The following LPIN2 variants were observed in gnomAD, a reference collection of about 807,000 sequenced individuals.
LPIN2 encodes the protein lipin 2.
LPIN2 carries 55 observed loss-of-function variants against 111.4 expected under a neutral mutation model. That is an observed-to-expected ratio of 0.49 (90% CI 0.40 to 0.62). LPIN2 has a LOEUF of 0.62. Among genes scored for constraint, LPIN2 ranks in the 20% least tolerant of loss-of-function variants. The pLI is 0.00. For missense variants in LPIN2, 992 were observed against 1,112.1 expected (o/e 0.89, Z 1.54); for synonymous variants, 425 against 414.0 (o/e 1.03, Z -0.32).
chr18:2,950,888 T>G (rs1448523655), intron 4 of LPIN2, among the ~76,000 whole-genome samples, 167 bp downstream of exon 4: 3 of 152,196 alleles, frequency 2.0e-5, no homozygotes, highest in Non-Finnish European at 4.4e-5. Context: ...ATAGAATAGT[T>G]GAAAGGAACA....
At chr18:2,952,642 C>T (rs1291298478) in intron 3 of LPIN2, among the ~76,000 whole-genome samples, 2 of 151,992 alleles carry the variant, frequency 1.3e-5, no homozygotes, top group Non-Finnish European at 2.9e-5. Context: ...ATAAGATATT[C>T]TGAATGTCCA....
chr18:2,924,259 A>AGT, intron 15 of LPIN2, 139 bp downstream of exon 15: 3 of 981,994 alleles, frequency 3.1e-6, no homozygotes, highest in Non-Finnish European at 3.2e-6. Context: ...TGTACTGGGG[A>AGT]CGCCTCAGAG....
chr18:2,954,751 C>A, intron 2 of LPIN2, 152 bp from the exon 3 acceptor site: 2 of 687,866 alleles, frequency 2.9e-6, no homozygotes, highest in Non-Finnish European at 5.3e-6. Context: ...TGCCCCTACC[C>A]AACCCCTAAG....
intron 1 of LPIN2, among the ~76,000 whole-genome samples, chr18:3,001,729 A>G (rs1345389954): frequency 6.6e-6 from 1 of 152,190 alleles, no homozygotes; most frequent in Non-Finnish European, 1.5e-5. Flanking sequence ...TGTGAGAAAG[A>G]GAACTGGGGT....
rs55747910 is a variant in LPIN2 at position 2,943,458 on chromosome 18, G to GTGTGTGTT, written c.591-2747_591-2746insAACACACA. On this transcript the variant is annotated intron_variant, in intron 4 of 19. Transcript: ENST00000677752. ...TGTGTGTGTGTGTGTGTGTGTGTGT[G>GTGTGTGTT]TATAAATCAATGTTTTGATCAATGT... is the stretch of plus-strand genomic sequence containing the variant. Among the ~76,000 whole-genome samples, 886 of 146,294 alleles carry GTGTGTGTT rather than the reference G, an allele frequency of 6.1e-3. 4 individuals are homozygous for GTGTGTGTT. The highest frequency in any genetic ancestry group is 0.012 in the South Asian group (55 of 4,654).
chr18:3,010,117 T>C lies in LPIN2; in HGVS notation c.-10+2970A>G, dbSNP rs563401580. ...ACATGGGTTGCCACTGACTGCTTCATTTGGACCCCAGGGTGAGCAACTCCC... is the reference window on the plus strand; with the variant it reads ...ACATGGGTTGCCACTGACTGCTTCACTTGGACCCCAGGGTGAGCAACTCCC... On this transcript the variant is annotated intron_variant, in intron 1 of 19. Coordinates refer to ENST00000677752, the MANE Select transcript of LPIN2 (RefSeq NM_001375808.2). Among the ~76,000 whole-genome samples the C allele has an allele frequency of 5.6e-3, 850 of 152,312 alleles. 7 individuals carry two copies. The highest frequency in any genetic ancestry group is 7.8e-3 in the Non-Finnish European group (530 of 68,028).
In LPIN2 at chr18:2,924,561, T is replaced by C; in HGVS notation, c.1939-15A>G. On this transcript the variant is annotated splice_polypyrimidine_tract_variant and intron_variant, in intron 14 of 19. Transcript: ENST00000677752. ...TTCAGTTTTGCCTTTTAAAAAAGCA[T>C]AAGAATAAAGAAAATCAGCTGAAAA... is the stretch of plus-strand genomic sequence containing the variant. 6.2e-7 allele frequency: 1 copy of C among 1,613,748 alleles called. No individual in the cohort carries two copies. Among genetic ancestry groups the C allele is most frequent in the Non-Finnish European group, 8.5e-7 (1 of 1,179,642 alleles).
intron 1 of LPIN2, among the ~76,000 whole-genome samples, chr18:2,965,500 A>G (rs1275937245): frequency 6.6e-6 from 1 of 152,148 alleles, no homozygotes; most frequent in African/African-American, 2.4e-5. Context: ...AGGCCGAGGC[A>G]GGTAGATCAC....
chr18:2,946,698 G>C, intron 4 of LPIN2: 1 of 610,968 alleles, frequency 1.6e-6, no homozygotes, highest in Non-Finnish European at 3.0e-6. Context: ...ATTTATGTGG[G>C]ATAAATTATA....
chr18:2,994,917 G>T (rs1471499639), intron 1 of LPIN2, among the ~76,000 whole-genome samples: 1 of 152,144 alleles, frequency 6.6e-6, no homozygotes, highest in Non-Finnish European at 1.5e-5. Flanking sequence ...AACATGTTAG[G>T]GGTGGGCCGG....
intron 1 of LPIN2, among the ~76,000 whole-genome samples, chr18:2,993,202 A>AAAGAAGAAAG (rs566808822): frequency 6.6e-6 from 1 of 152,068 alleles, no homozygotes; most frequent in Non-Finnish European, 1.5e-5. Context: ...AGAAAGGAAC[A>AAAGAAGAAAG]AAGAAGAAAG....
intron 1 of LPIN2, among the ~76,000 whole-genome samples, chr18:2,998,781 C>T (rs1567862338): frequency 6.6e-6 from 1 of 152,106 alleles, no homozygotes; most frequent in Non-Finnish European, 1.5e-5. Flanking sequence ...ACCTGGCTAA[C>T]ATGTTCACGA....
rs147203309 is a variant in LPIN2, at chr18:2,920,327, G to T, written c.2657C>A (p.Pro886Gln). 3 of 1,614,148 alleles carry T rather than the reference G, an allele frequency of 1.9e-6. No individual in the cohort carries two copies. Among genetic ancestry groups the T allele is most frequent in the East Asian group, 2.2e-5 (1 of 44,892 alleles). Residue 886 changes from proline to glutamine, a missense_variant, in exon 20 of 20, where the codon CCG (proline) becomes CAG (glutamine). This residue lies in a region of LPIN2 where 185 missense variants were observed against 186.5 expected (regional missense o/e 0.99). Transcript: ENST00000677752. ...EFSSFCYWRDPIPEVDLDDLS is the reference protein window; with the variant it reads ...EFSSFCYWRDQIPEVDLDDLS Reference sequence around the variant, plus strand: ...GTCATCCAGGTCCACTTCAGGGATCGGGTCTCGCCAGTAGCAGAAGGAGCT... The same window carrying T: ...GTCATCCAGGTCCACTTCAGGGATCTGGTCTCGCCAGTAGCAGAAGGAGCT...
At chr18:2,970,712 T>C (rs772770320) in intron 1 of LPIN2, among the ~76,000 whole-genome samples, 1 of 152,228 alleles carries the variant, frequency 6.6e-6, no homozygotes, top group Non-Finnish European at 1.5e-5. Context: ...GATAACACTT[T>C]ATGCTACTTA....
chr18:3,010,151 G>C (rs2078578675), intron 1 of LPIN2, among the ~76,000 whole-genome samples: 1 of 152,204 alleles, frequency 6.6e-6, no homozygotes, highest in Non-Finnish European at 1.5e-5. Flanking sequence ...CCTCACGCTT[G>C]TCTTGAAACA....
chr18:2,945,149 GACA>G (rs2077431007), intron 4 of LPIN2, among the ~76,000 whole-genome samples: 1 of 151,912 alleles, frequency 6.6e-6, no homozygotes, highest in Non-Finnish European at 1.5e-5. Context: ...ATTAAAATTG[GACA>G]TTTCATTAAA....
chr18:3,008,879 GT>G lies in LPIN2; in HGVS notation c.-10+4207del, dbSNP rs76748358. Reference sequence around the variant, plus strand: ...CAGGTGCCCGCACTACCACAGCTGTGTTTTTTTTTTTTTTTTTTTGGAGAGA... The same window carrying G: ...CAGGTGCCCGCACTACCACAGCTGTGTTTTTTTTTTTTTTTTTTGGAGAGA... On this transcript the variant is annotated intron_variant, in intron 1 of 19. Coordinates refer to ENST00000677752, the MANE Select transcript of LPIN2 (RefSeq NM_001375808.2). Among the ~76,000 whole-genome samples the G allele has an allele frequency of 6.1e-3, 755 of 123,286 alleles. 11 individuals are homozygous for G. Among genetic ancestry groups the G allele is most frequent in the Admixed American group, 0.036 (439 of 12,056 alleles). 80.9% of individuals were successfully genotyped at this position (123,286 alleles called of 152,430 possible).
chr18:2,973,434 C>T lies in LPIN2; in HGVS notation c.-9-12585G>A, dbSNP rs186926633. ...TCTCTGGAATATCATATAAATAGAA[C>T]CATACAGTATGTACCTTTGGATTCT... On this transcript the variant is annotated intron_variant, in intron 1 of 19. Transcript: ENST00000677752. 3.3e-5 allele frequency among the ~76,000 whole-genome samples: 5 copies of T among 152,174 alleles called. No homozygotes were observed. The South Asian group carries it at 8.3e-4, about 25-fold the overall frequency.
chr18:2,979,235 G>A (rs1450954754), intron 1 of LPIN2: 2 of 152,288 alleles, frequency 1.3e-5, no homozygotes, highest in Non-Finnish European at 2.9e-5. Context: ...GCACAGTGAT[G>A]TAACTAAGGT....
Sources: allele counts gnomAD v4.1 joint callset (sites outside exome capture counted in the v4.1 genomes callset), GRCh38; gene constraint gnomAD v4.1.1; regional missense constraint gnomAD v4.1.1; transcripts MANE v1.5; gene names NCBI Gene and HGNC (gene_info 2026-07-23, HGNC 2026-07-21).